The following CAMTA1 variants were observed in gnomAD, a reference collection of about 807,000 sequenced individuals.
CAMTA1 encodes calmodulin-binding transcription activator 1.
A neutral mutation model predicts 170.9 loss-of-function variants in CAMTA1; 27 were observed. The ratio of observed to expected loss-of-function variants is 0.16; its 90% CI spans 0.12 to 0.22. The LOEUF is 0.22. Among genes scored for constraint, CAMTA1 ranks in the 10% least tolerant of loss-of-function variants. The pLI, the probability that CAMTA1 is intolerant of heterozygous loss-of-function variation, is 1.00. For missense variants in CAMTA1, 1,619 were observed against 2,217.2 expected (o/e 0.73, Z 5.42); for synonymous variants, 833 against 891.5 (o/e 0.93, Z 1.17).
chr1:7,490,649 T>C (rs1430006812), intron 6 of CAMTA1, among the ~76,000 whole-genome samples: 1 of 98,210 alleles, frequency 1.0e-5, no homozygotes, highest in Non-Finnish European at 2.0e-5. Context: ...CGAAACTCCA[T>C]CTCAAAAAAA....
chr1:7,590,025 G>A (rs1174390785), intron 6 of CAMTA1, among the ~76,000 whole-genome samples: 1 of 152,200 alleles, frequency 6.6e-6, no homozygotes, highest in Non-Finnish European at 1.5e-5. Context: ...ATCGCATGGA[G>A]CTTGCCCCTG....
At chr1:7,391,913 T>C (rs1328113164) in intron 5 of CAMTA1, among the ~76,000 whole-genome samples, 1 of 152,200 alleles carries the variant, frequency 6.6e-6, no homozygotes. Flanking sequence ...ATTCACCTAT[T>C]GAAGGATGTC....
intron 3 of CAMTA1, among the ~76,000 whole-genome samples, chr1:6,958,441 C>T (rs1002835289): frequency 7.9e-5 from 12 of 152,182 alleles, no homozygotes; most frequent in African/African-American, 2.9e-4. Context: ...CAGCTGGACT[C>T]TCCTCTCGGA....
At chr1:7,608,776 C>T (rs1287981065) in intron 6 of CAMTA1, among the ~76,000 whole-genome samples, 3 of 152,098 alleles carry the variant, frequency 2.0e-5, no homozygotes, top group Non-Finnish European at 4.4e-5. Flanking sequence ...AATCTGTCAT[C>T]TGCTTGAAAG....
At chr1:7,490,424 G>A (rs1451584239) in intron 6 of CAMTA1, among the ~76,000 whole-genome samples, 3 of 152,236 alleles carry the variant, frequency 2.0e-5, no homozygotes, top group Non-Finnish European at 4.4e-5. Flanking sequence ...GGCCGAGGCA[G>A]GCGGTTCACC....
chr1:7,739,738 G>C (rs913895920), intron 16 of CAMTA1, among the ~76,000 whole-genome samples: 1 of 152,186 alleles, frequency 6.6e-6, no homozygotes, highest in East Asian at 1.9e-4. Flanking sequence ...CCACCCCCGT[G>C]ATTCAGTTAT....
intron 5 of CAMTA1, among the ~76,000 whole-genome samples, chr1:7,288,828 G>A (rs951596082): frequency 6.6e-6 from 1 of 152,156 alleles, no homozygotes; most frequent in African/African-American, 2.4e-5. Context: ...TGGTATTAGC[G>A]GGAGAGTTGG....
intron 4 of CAMTA1, among the ~76,000 whole-genome samples, chr1:7,194,082 GA>G (rs1655062951): frequency 6.6e-6 from 1 of 152,188 alleles, no homozygotes; most frequent in Admixed American, 6.5e-5. Flanking sequence ...AGATTTAAAG[GA>G]TGCATATTAA....
chr1:7,639,109 G>A (rs1178459132), intron 6 of CAMTA1, among the ~76,000 whole-genome samples: 1 of 151,904 alleles, frequency 6.6e-6, no homozygotes, highest in Non-Finnish European at 1.5e-5. Flanking sequence ...CTCCCAAGTC[G>A]CTGGGACTAC....
Position 7,467,826 on chromosome 1 carries a change from C to T in CAMTA1, c.439-4C>T, listed in dbSNP as rs918660621. 6 of 1,612,160 alleles carry T rather than the reference C, an allele frequency of 3.7e-6. No homozygotes were observed. In the African/African-American group the frequency reaches 6.7e-5, roughly 18 times the overall value. On this transcript the variant is annotated splice_region_variant and splice_polypyrimidine_tract_variant and intron_variant, in intron 5 of 22. Coordinates refer to ENST00000303635, the MANE Select transcript of CAMTA1 (RefSeq NM_015215.4). ...CTGAATTCTCGTTTTTCCTCTCTCC[C>T]TAGTGCTTGTACGGCTGCTATGTCC...
chr1:6,950,129 G>T (rs886836104), intron 3 of CAMTA1, among the ~76,000 whole-genome samples: 1 of 152,218 alleles, frequency 6.6e-6, no homozygotes, highest in Admixed American at 6.5e-5. Context: ...CTGAGCAGAG[G>T]TCTCATCTGC....
intron 6 of CAMTA1, among the ~76,000 whole-genome samples, chr1:7,600,589 G>C (rs1306831987): frequency 2.6e-5 from 4 of 151,628 alleles, no homozygotes; most frequent in Non-Finnish European, 5.9e-5. Flanking sequence ...GCAGATAAGT[G>C]AACAAAGGTC....
intron 6 of CAMTA1, among the ~76,000 whole-genome samples, chr1:7,538,930 C>T (rs1309820779): frequency 6.6e-6 from 1 of 152,168 alleles, no homozygotes; most frequent in Non-Finnish European, 1.5e-5. Context: ...TACCCAAGCG[C>T]TGAACTACTA....
chr1:7,079,178 T>C (rs950532056), intron 3 of CAMTA1, among the ~76,000 whole-genome samples: 1 of 152,190 alleles, frequency 6.6e-6, no homozygotes, highest in South Asian at 2.1e-4. Context: ...GCAATAATAG[T>C]AGGGTAACAA....
chr1:7,188,020 G>A (rs573119046), intron 4 of CAMTA1, among the ~76,000 whole-genome samples: 2 of 152,338 alleles, frequency 1.3e-5, no homozygotes, highest in East Asian at 1.9e-4. Context: ...TACAATCATG[G>A]TGGAAGCTAA....
intron 5 of CAMTA1, among the ~76,000 whole-genome samples, chr1:7,335,452 C>G (rs986161821): frequency 2.0e-5 from 3 of 152,172 alleles, no homozygotes; most frequent in African/African-American, 7.2e-5. Context: ...CGGGGATGCC[C>G]GTCAAAGCAG....
chr1:7,320,419 G>A (rs1370602632), intron 5 of CAMTA1, among the ~76,000 whole-genome samples: 1 of 152,184 alleles, frequency 6.6e-6, no homozygotes, highest in African/African-American at 2.4e-5. Flanking sequence ...CTATGTATCT[G>A]AGGCTGTAAT....
At chr1:7,646,724 G>A (rs1226797625) in intron 7 of CAMTA1, among the ~76,000 whole-genome samples, 3 of 149,722 alleles carry the variant, frequency 2.0e-5, no homozygotes, top group African/African-American at 7.4e-5. Flanking sequence ...AGAGGCCATG[G>A]TGACTGTGAG....
chr1:7,358,675 T>C (rs1488045532), intron 5 of CAMTA1, among the ~76,000 whole-genome samples: 1 of 152,234 alleles, frequency 6.6e-6, no homozygotes, highest in African/African-American at 2.4e-5. Context: ...ATATTTTCCT[T>C]TCTCCTCCTT....
Sources: gnomAD v4.1 joint callset for allele counts (sites outside exome capture counted in the v4.1 genomes callset) on GRCh38, gnomAD v4.1.1 for gene constraint, MANE v1.5 for transcripts, NCBI Gene and HGNC (gene_info 2026-07-23, HGNC 2026-07-21) for gene names.